Variants in WDR19 observed in about 807,000 individuals in gnomAD.
WDR19 encodes the protein WD repeat domain 19.
Under a neutral mutation model 180.0 loss-of-function variants are expected in WDR19, and 121 were observed. That is an observed-to-expected ratio of 0.67 (90% CI 0.58 to 0.78). WDR19 has a LOEUF of 0.78. WDR19 is among the 30% of genes least tolerant of loss of function. The pLI, the probability that WDR19 is intolerant of heterozygous loss-of-function variation, is 0.00. For missense variants in WDR19, 1,450 were observed against 1,640.7 expected, an observed-to-expected ratio of 0.88 and a Z score of 2.01; for synonymous variants, 497 against 540.7, an observed-to-expected ratio of 0.92 and a Z score of 1.12.
intron 25 of WDR19, 26 bp downstream of exon 25, chr4:39,253,318 G>A: frequency 1.3e-6 from 2 of 1,591,334 alleles, no homozygotes; most frequent in Non-Finnish European, 1.7e-6. Context: ...AATATTTTTG[G>A]ACTTTCAAAA....
chr4:39,183,708 G>T (rs770658721), intron 1 of WDR19, among the ~76,000 whole-genome samples: 1 of 152,168 alleles, frequency 6.6e-6, no homozygotes, highest in African/African-American at 2.4e-5. Context: ...TATTATTCAT[G>T]ATTTACAGTT....
intron 14 of WDR19, among the ~76,000 whole-genome samples, chr4:39,220,134 T>C (rs1729504228): frequency 6.6e-6 from 1 of 151,990 alleles, no homozygotes; most frequent in Admixed American, 6.6e-5. Context: ...GGTGGGAAGA[T>C]CACTTGAGCC....
chr4:39,231,302 G>A (rs531464803), intron 17 of WDR19, among the ~76,000 whole-genome samples: 35 of 132,354 alleles, frequency 2.6e-4, no homozygotes, highest in Admixed American at 1.0e-3. Flanking sequence ...GCAACAGAGT[G>A]AGACTCCGTC....
intron 6 of WDR19, among the ~76,000 whole-genome samples, chr4:39,202,749 C>G (rs1727503066): frequency 6.6e-6 from 1 of 151,260 alleles, no homozygotes; most frequent in Non-Finnish European, 1.5e-5. Flanking sequence ...AGTTCTTTTA[C>G]AGCTTTAGTC....
intron 4 of WDR19, among the ~76,000 whole-genome samples, chr4:39,193,533 TA>T (rs1726391692): frequency 1.3e-5 from 2 of 152,210 alleles, no homozygotes; most frequent in African/African-American, 4.8e-5. Flanking sequence ...TACTTTAAAT[TA>T]TTTTTTCTCT....
intron 17 of WDR19, among the ~76,000 whole-genome samples, chr4:39,229,144 A>G (rs1449833616): frequency 6.6e-6 from 1 of 152,106 alleles, no homozygotes; most frequent in Non-Finnish European, 1.5e-5. Context: ...TTAATGGCTG[A>G]GTAGTATTCC....
intron 21 of WDR19, among the ~76,000 whole-genome samples, chr4:39,241,391 G>T (rs537107898): frequency 6.6e-6 from 1 of 151,752 alleles, no homozygotes; most frequent in East Asian, 1.9e-4. Context: ...TACTTGGGAG[G>T]CTGAGGTGGG....
Position 39,185,914 on chromosome 4 carries a change from T to A in WDR19, c.98+97T>A, listed in dbSNP as rs79501478. The A allele has an allele frequency of 1.7e-5, 18 of 1,069,360 alleles. 1 individual carries two copies. The highest frequency in any genetic ancestry group is 2.1e-5 in the Non-Finnish European group (16 of 764,098). 66.2% of individuals were successfully genotyped at this position (1,069,360 alleles called of 1,614,324 possible). A position where few individuals can be genotyped will look rare whatever the true frequency, so the allele number is the denominator to read the frequency against. ...TTTTTTTGTTGTTGTTTTTTTTTTT[T>A]AAATGGAGTCTAGCTTTGTTGCCCA... On this transcript the variant is annotated intron_variant, in intron 2 of 36. Coordinates refer to ENST00000399820, the MANE Select transcript of WDR19 (RefSeq NM_025132.4).
At chr4:39,194,769 C>A in intron 5 of WDR19, 110 bp downstream of exon 5, 3 of 747,338 alleles carry the variant, frequency 4.0e-6, no homozygotes, top group Non-Finnish European at 6.7e-6. Flanking sequence ...CAGTACAAAC[C>A]CCCTCCCCAT....
At chr4:39,242,365 T>G (rs1732049226) in intron 21 of WDR19, among the ~76,000 whole-genome samples, 1 of 152,162 alleles carries the variant, frequency 6.6e-6, no homozygotes, top group African/African-American at 2.4e-5. Flanking sequence ...CAAGCCATCC[T>G]CCCGCCTTAG....
intron 28 of WDR19, among the ~76,000 whole-genome samples, chr4:39,259,799 G>C (rs1001052244): frequency 1.2e-4 from 18 of 152,204 alleles, no homozygotes; most frequent in African/African-American, 4.3e-4. Flanking sequence ...CTGAGAAACT[G>C]TCCAACTGTT....
chr4:39,240,680 G>A (rs1236851851), intron 21 of WDR19, among the ~76,000 whole-genome samples: 3 of 151,956 alleles, frequency 2.0e-5, no homozygotes, highest in African/African-American at 7.3e-5. Context: ...GGCTGGACGC[G>A]GTGGCTCACA....
rs945214307 is a variant in WDR19, at chr4:39,214,731, G to A, written c.961+60G>A. 6.5e-6 allele frequency: 7 copies of A among 1,077,382 alleles called. No individual in the cohort carries two copies. In the African/African-American group the frequency reaches 9.6e-5, roughly 15 times the overall value. 66.7% of individuals were successfully genotyped at this position (1,077,382 alleles called of 1,614,324 possible). On this transcript the variant is annotated intron_variant, in intron 10 of 36. Transcript: ENST00000399820. ...CATTCCAGTTACAGAGAGTAAGGTT[G>A]TGTTTGTTATCGTGTGATTTGCATT...
rs1578010399 is a variant in WDR19 at position 39,257,654 on chromosome 4, C to T, written c.3183+100C>T. 6.8e-6 allele frequency: 7 copies of T among 1,032,322 alleles called. No individual in the cohort carries two copies. The East Asian group carries it at 1.0e-4, about 15-fold the overall frequency. 63.9% of individuals were successfully genotyped at this position (1,032,322 alleles called of 1,614,324 possible). On this transcript the variant is annotated intron_variant, in intron 28 of 36. Transcript: ENST00000399820. ...TGCAGAAGTAGACCAAACAGTATTA[C>T]AAACCCCTACATACCTATCGTGTAA...
At chr4:39,244,938 C>CTTTTTTTTTTTTT (rs72240523) in intron 23 of WDR19, among the ~76,000 whole-genome samples, 13 of 115,310 alleles carry the variant, frequency 1.1e-4, no homozygotes, top group Admixed American at 1.8e-4. Context: ...TTTTTTTTTT[C>CTTTTTTTTTTTTT]TTTTTTTTTT....
intron 7 of WDR19, among the ~76,000 whole-genome samples, chr4:39,204,723 T>C (rs1329186974): frequency 6.6e-6 from 1 of 152,170 alleles, no homozygotes; most frequent in African/African-American, 2.4e-5. Flanking sequence ...AATGATGATA[T>C]AAAAGCCAAG....
intron 32 of WDR19, chr4:39,274,431 G>A (rs991663680): frequency 5.8e-6 from 1 of 171,832 alleles, no homozygotes; most frequent in Admixed American, 5.7e-5. Context: ...CCTGAAGAAA[G>A]AATTTGATGC....
intron 9 of WDR19, among the ~76,000 whole-genome samples, chr4:39,206,396 G>A (rs1727955306): frequency 6.6e-6 from 1 of 152,176 alleles, no homozygotes; most frequent in Non-Finnish European, 1.5e-5. Context: ...AACTCTGATG[G>A]AGGATAATCT....
rs750227475 is a variant in WDR19, at chr4:39,254,007, T to A, written c.2978T>A (p.Met993Lys). 2.5e-6 allele frequency: 4 copies of A among 1,612,204 alleles called. No individual in the cohort carries two copies. The highest frequency in any genetic ancestry group is 3.4e-6 in the Non-Finnish European group (4 of 1,178,732). ...ACACTGGCTCAGCAACACAACAAAA[T>A]GGAAATCTATGCAGATATTATTGGT... is the stretch of plus-strand genomic sequence containing the variant. The part of the protein sequence containing the change: ...AFTLAQQHNK[M>K]EIYADIIGSE... The change falls in exon 26 of 37, where the codon ATG becomes AAG. Residue 993 changes from methionine (M) to lysine (K), a missense_variant. Met to Lys is a moderately conservative substitution (Grantham distance 95). Coordinates refer to ENST00000399820, the MANE Select transcript of WDR19 (RefSeq NM_025132.4).
Sources: allele counts gnomAD v4.1 joint callset (sites outside exome capture counted in the v4.1 genomes callset), GRCh38; gene constraint gnomAD v4.1.1; transcripts MANE v1.5; gene names NCBI Gene and HGNC (gene_info 2026-07-23, HGNC 2026-07-21).